The following PLAA variants were observed in gnomAD, a reference collection of about 807,000 sequenced individuals.
The protein encoded by PLAA is phospholipase A2 activating protein, also known as phospholipase A-2-activating protein.
Under a neutral mutation model 84.1 loss-of-function variants are expected in PLAA, and 48 were observed. That is an observed-to-expected ratio of 0.57 (90% CI 0.45 to 0.73). The LOEUF (loss-of-function observed/expected upper bound fraction) is 0.73. Among genes scored for constraint, PLAA ranks in the 30% least tolerant of loss-of-function variants. The pLI is 0.00. For synonymous variants in PLAA, 392 were observed against 336.6 expected (o/e 1.16, Z -1.80); for missense variants, 903 against 954.7 (o/e 0.95, Z 0.71).
intron 1 of PLAA, among the ~76,000 whole-genome samples, chr9:26,942,935 G>A (rs184115148): frequency 2.0e-5 from 3 of 150,254 alleles, no homozygotes; most frequent in Admixed American, 2.0e-4. Context: ...GGGGTGAGTG[G>A]AAGGCAGAAA....
intron 13 of PLAA, 101 bp downstream of exon 13, chr9:26,907,733 G>C (rs1037416275): frequency 7.9e-6 from 8 of 1,007,154 alleles, no homozygotes; most frequent in Middle Eastern, 6.3e-4. Context: ...TAGAACTACC[G>C]AAGTTAACTT....
chr9:26,931,851 G>A (rs1265786355), intron 2 of PLAA, among the ~76,000 whole-genome samples: 1 of 152,136 alleles, frequency 6.6e-6, no homozygotes, highest in Non-Finnish European at 1.5e-5. Context: ...AGACCAGCCT[G>A]GACAACATGG....
At chr9:26,939,249 G>A (rs762577129) in intron 1 of PLAA, among the ~76,000 whole-genome samples, 1 of 151,900 alleles carries the variant, frequency 6.6e-6, no homozygotes, top group Non-Finnish European at 1.5e-5. Context: ...TTAGCCAGGT[G>A]TGGTGGCAGG....
chr9:26,906,886 C>T (rs563224236), intron 13 of PLAA, among the ~76,000 whole-genome samples: 10 of 151,000 alleles, frequency 6.6e-5, no homozygotes, highest in East Asian at 2.0e-4. Flanking sequence ...TTATGTGCTC[C>T]GTAATGTAAA....
At chr9:26,917,902 C>T (rs1824615973) in intron 9 of PLAA, among the ~76,000 whole-genome samples, 1 of 152,190 alleles carries the variant, frequency 6.6e-6, no homozygotes, top group South Asian at 2.1e-4. Flanking sequence ...GATTTCCAGA[C>T]AAAGTCAGCT....
rs749229800 is a variant in PLAA at position 26,946,885 on chromosome 9, C to T, written c.149+12G>A. 6.4e-7 allele frequency: 1 copy of T among 1,569,394 alleles called. No homozygotes were observed. The highest frequency in any genetic ancestry group is 8.6e-7 in the Non-Finnish European group (1 of 1,158,146). On this transcript the variant is annotated intron_variant, in intron 1 of 13. Transcript: ENST00000397292. The stretch of plus-strand genomic sequence containing the variant: ...GCAACACAGCCGGGGCAACCCGACT[C>T]CCAGCGCTCACCTGTCTGGGGCCCA...
intron 11 of PLAA, among the ~76,000 whole-genome samples, chr9:26,913,628 A>C (rs375856287): frequency 7.9e-5 from 12 of 152,148 alleles, no homozygotes; most frequent in Admixed American, 3.9e-4. Flanking sequence ...CCCATCTCAG[A>C]GCAGAATTAG....
chr9:26,926,031 G>A, intron 5 of PLAA, 71 bp from the exon 6 acceptor site: 1 of 1,263,370 alleles, frequency 7.9e-7, no homozygotes, highest in Non-Finnish European at 1.1e-6. Context: ...CATCTTTCTA[G>A]ATACACTGAC....
chr9:26,942,341 T>A (rs138543583), intron 1 of PLAA, among the ~76,000 whole-genome samples: 62 of 152,312 alleles, frequency 4.1e-4, no homozygotes, highest in African/African-American at 1.4e-3. Context: ...TAGTTGTGCA[T>A]CAGAGGTAGA....
In PLAA at chr9:26,947,051, G is replaced by C. The variant is rs1278766902; in HGVS notation, c.-6C>G. ...CTGGTTGCGCCGCTCGTCATGGCCAGTGTCTGTCTGGCGCCCGGTGCCCAG... is the reference window on the plus strand; with the variant it reads ...CTGGTTGCGCCGCTCGTCATGGCCACTGTCTGTCTGGCGCCCGGTGCCCAG... On this transcript the variant is annotated 5_prime_UTR_variant, in exon 1 of 14. Transcript: ENST00000397292. The C allele has an allele frequency of 2.5e-6, 4 of 1,572,206 alleles. No individual in the cohort carries two copies. Among genetic ancestry groups the C allele is most frequent in the Non-Finnish European group, 3.4e-6 (4 of 1,159,900 alleles).
intron 5 of PLAA, 98 bp downstream of exon 5, chr9:26,926,295 A>G (rs938850239): frequency 4.0e-6 from 3 of 742,818 alleles, no homozygotes; most frequent in Non-Finnish European, 6.7e-6. Flanking sequence ...AGTCATAGAT[A>G]GTAAATTAAG....
rs546743807 is a variant in PLAA, at chr9:26,911,283, G to C, written c.1556-844C>G. Among the ~76,000 whole-genome samples the C allele has an allele frequency of 3.3e-5, 5 of 152,276 alleles. 1 individual carries two copies. In the Middle Eastern group the frequency reaches 0.01, roughly 311 times the overall value. ...TTCTCCTGCCTCAGCCTCCAGAATA[G>C]TTGGGATTACAGGCATGAGCTACCA... On this transcript the variant is annotated intron_variant, in intron 11 of 13. Transcript: ENST00000397292.
At chr9:26,916,997 T>C (rs549553913) in intron 10 of PLAA, 100 bp downstream of exon 10, 1 of 958,122 alleles carries the variant, frequency 1.0e-6, no homozygotes, top group East Asian at 2.5e-5. Context: ...GATAAGGGAA[T>C]TACCAATTAC....
Position 26,903,998 on chromosome 9 carries a change from C to G in PLAA, c.*1513G>C, listed in dbSNP as rs545717852. Reference sequence around the variant, plus strand: ...ATTTTGCCATTTAACTTTGACATAACCACCTAAACCCAATCAAAAAACGAA... The same window carrying G: ...ATTTTGCCATTTAACTTTGACATAAGCACCTAAACCCAATCAAAAAACGAA... On this transcript the variant is annotated 3_prime_UTR_variant, in exon 14 of 14. Coordinates refer to ENST00000397292, the MANE Select transcript of PLAA (RefSeq NM_001031689.3). The G allele has an allele frequency of 6.5e-6, 1 of 153,836 alleles. No individual in the cohort carries two copies. The highest frequency in any genetic ancestry group is 1.9e-4 in the East Asian group (1 of 5,190). The allele number at this position is 153,836 out of a possible 1,614,324, so 9.5% of individuals were successfully genotyped here.
intron 4 of PLAA, among the ~76,000 whole-genome samples, 188 bp downstream of exon 4, chr9:26,927,912 A>T (rs1825029685): frequency 6.6e-6 from 1 of 152,198 alleles, no homozygotes; most frequent in Non-Finnish European, 1.5e-5. Context: ...TGGCTGTTTT[A>T]TGAGAGGTTT....
chr9:26,903,486 TTACA>T lies in PLAA; in HGVS notation c.*2021_*2024del, dbSNP rs1341654540. 1.3e-5 allele frequency among the ~76,000 whole-genome samples: 2 copies of T among 152,212 alleles called. No homozygotes were observed. Among genetic ancestry groups the T allele is most frequent in the African/African-American group, 4.8e-5 (2 of 41,466 alleles). On this transcript the variant is annotated 3_prime_UTR_variant, in exon 14 of 14. Coordinates refer to ENST00000397292, the MANE Select transcript of PLAA (RefSeq NM_001031689.3). ...GCTTTTTTAATAAAATAAAATACATTTACATACATAGTCACTATGCCACAAGATG... is the reference window on the plus strand; with the variant it reads ...GCTTTTTTAATAAAATAAAATACATTTACATAGTCACTATGCCACAAGATG...
At chr9:26,930,581 ATTT>A (rs35790139) in intron 2 of PLAA, among the ~76,000 whole-genome samples, 3 of 139,150 alleles carry the variant, frequency 2.2e-5, no homozygotes, top group Admixed American at 7.2e-5. Context: ...CATCACTGAG[ATTT>A]TTTTTTTTTT....
At chr9:26,938,965 G>A (rs993250651) in intron 1 of PLAA, among the ~76,000 whole-genome samples, 1 of 152,052 alleles carries the variant, frequency 6.6e-6, no homozygotes, top group Non-Finnish European at 1.5e-5. Context: ...AAGAATTTTT[G>A]TTTGTTATTG....
At chr9:26,928,276 T>C (rs778337770) in intron 3 of PLAA, 32 bp downstream of exon 3, 1 of 1,614,012 alleles carries the variant, frequency 6.2e-7, no homozygotes, top group Non-Finnish European at 8.5e-7. Context: ...AACTTAATTA[T>C]TCTTTAGAAT....
Sources: allele counts gnomAD v4.1 joint callset (sites outside exome capture counted in the v4.1 genomes callset), GRCh38; gene constraint gnomAD v4.1.1; transcripts MANE v1.5; gene names NCBI Gene and HGNC (gene_info 2026-07-23, HGNC 2026-07-21).